The following MSH3 variants were observed in gnomAD, a reference collection of about 807,000 sequenced individuals.
MSH3 encodes DNA mismatch repair protein Msh3.
MSH3 carries 106 observed loss-of-function variants against 123.3 expected under a neutral mutation model. The ratio of observed to expected loss-of-function variants is 0.86; its 90% CI spans 0.73 to 1.01. The LOEUF is 1.01. Among genes scored for constraint, MSH3 ranks in the 50% least tolerant of loss-of-function variants. The pLI is 0.00. For missense variants in MSH3, 1,459 were observed against 1,347.6 expected (o/e 1.08, Z -1.29); for synonymous variants, 515 against 481.4 (o/e 1.07, Z -0.91).
intron 3 of MSH3, among the ~76,000 whole-genome samples, chr5:80,668,842 A>G (rs924969760): frequency 2.0e-5 from 3 of 152,182 alleles, no homozygotes; most frequent in Admixed American, 2.0e-4. Flanking sequence ...ACAACTGGGC[A>G]GCCACAGCTG....
intron 8 of MSH3, among the ~76,000 whole-genome samples, chr5:80,713,924 T>G (rs1383450161): frequency 6.6e-6 from 1 of 152,178 alleles, no homozygotes; most frequent in Non-Finnish European, 1.5e-5. Flanking sequence ...TGCAGGTGAC[T>G]CTGATGCCGG....
chr5:80,860,408 G>C (rs1463781783), intron 21 of MSH3, among the ~76,000 whole-genome samples: 1 of 148,350 alleles, frequency 6.7e-6, no homozygotes, highest in African/African-American at 2.5e-5. Context: ...GGATTATTTT[G>C]CAAGGTACAG....
intron 20 of MSH3, among the ~76,000 whole-genome samples, chr5:80,818,561 A>G (rs1444855305): frequency 6.6e-6 from 1 of 152,164 alleles, no homozygotes; most frequent in East Asian, 1.9e-4. Context: ...GAAACATTTA[A>G]AAATTTTTGA....
intron 8 of MSH3, among the ~76,000 whole-genome samples, chr5:80,712,743 C>T (rs73765865): frequency 0.13 from 19,491 of 150,506 alleles, 1,326 homozygotes; most frequent in African/African-American, 0.18. Context: ...TAATCTTTCA[C>T]GATGTGATCT....
intron 19 of MSH3, among the ~76,000 whole-genome samples, chr5:80,801,929 ACT>A (rs748482635): frequency 2.0e-5 from 3 of 151,764 alleles, no homozygotes; most frequent in Admixed American, 1.3e-4. Context: ...TTATTTTCAC[ACT>A]CTGTTATTTT....
chr5:80,698,662 T>G (rs928458815), intron 8 of MSH3, among the ~76,000 whole-genome samples: 1 of 152,090 alleles, frequency 6.6e-6, no homozygotes, highest in Admixed American at 6.5e-5. Flanking sequence ...AAAGGGTGTA[T>G]AAAGCTGGAA....
At chr5:80,747,046 T>C (rs1220738440) in intron 12 of MSH3, among the ~76,000 whole-genome samples, 1 of 152,182 alleles carries the variant, frequency 6.6e-6, no homozygotes, top group South Asian at 2.1e-4. Context: ...AATGGAAATA[T>C]CTTCTTTAGT....
At chr5:80,759,135 G>A (rs755507771) in intron 12 of MSH3, among the ~76,000 whole-genome samples, 10 of 152,180 alleles carry the variant, frequency 6.6e-5, no homozygotes, top group Non-Finnish European at 1.2e-4. Context: ...TGTTTATTGA[G>A]CACAAATTGT....
chr5:80,772,495 G>A (rs756683919), intron 15 of MSH3, among the ~76,000 whole-genome samples: 1 of 151,990 alleles, frequency 6.6e-6, no homozygotes, highest in Non-Finnish European at 1.5e-5. Flanking sequence ...ACAATATCTG[G>A]CATTTAACTA....
Position 80,806,680 on chromosome 5 carries a change from A to G in MSH3, c.2656-6904A>G, listed in dbSNP as rs570128994. Among the ~76,000 whole-genome samples, 51 of 152,092 alleles carry G rather than the reference A, an allele frequency of 3.4e-4. 1 individual carries two copies. Among genetic ancestry groups the G allele is most frequent in the Non-Finnish European group, 1.5e-5 (1 of 67,970 alleles). ...AAAGTTCTCCCCTCCTATTCTCCTAATAGAATTCCTAATTTCTATTTAGCT... is the reference window on the plus strand; with the variant it reads ...AAAGTTCTCCCCTCCTATTCTCCTAGTAGAATTCCTAATTTCTATTTAGCT... On this transcript the variant is annotated intron_variant, in intron 19 of 23. Transcript: ENST00000265081.
intron 8 of MSH3, among the ~76,000 whole-genome samples, chr5:80,717,394 G>A (rs1750984633): frequency 6.6e-6 from 1 of 152,116 alleles, no homozygotes; most frequent in Admixed American, 6.6e-5. Context: ...AGCCGCCTGA[G>A]TAGCTGGGAC....
rs192672199 is a variant in MSH3, at chr5:80,739,638, C to T, written c.1569-1826C>T. ...AGAGAAAGGGCTGAACACTTGCTAT[C>T]CTTTCAGTTTTGGAGTTGCTTCCCG... On this transcript the variant is annotated intron_variant, in intron 10 of 23. Transcript: ENST00000265081. Among the ~76,000 whole-genome samples, 141 of 152,288 alleles carry T rather than the reference C, an allele frequency of 9.3e-4. 1 individual carries two copies. The highest frequency in any genetic ancestry group is 3.4e-3 in the Middle Eastern group (1 of 294).
chr5:80,810,172 C>CATATATATATAT (rs113702568), intron 19 of MSH3, among the ~76,000 whole-genome samples: 5,499 of 121,294 alleles, frequency 0.045, 231 homozygotes, highest in African/African-American at 0.087. Flanking sequence ...GTTTGACATA[C>CATATATATATAT]ATATATATAT....
At chr5:80,868,558 T>G (rs1746144218) in intron 22 of MSH3, among the ~76,000 whole-genome samples, 1 of 142,736 alleles carries the variant, frequency 7.0e-6, no homozygotes, top group African/African-American at 2.6e-5. Context: ...TAAGTGGGAG[T>G]TAAATGATGA....
At position 80,728,956 on chromosome 5, in the gene MSH3, C is replaced by T. The variant is rs753874943; in HGVS notation, c.1559C>T (p.Ser520Phe). The T allele has an allele frequency of 6.3e-7, 1 of 1,579,508 alleles. No homozygotes were observed. The highest frequency in any genetic ancestry group is 1.7e-5 in the Admixed American group (1 of 59,916). Reference protein sequence around the residue: ...LKEFNLEKMLSKPENFKQLSS... With the variant: ...LKEFNLEKMLFKPENFKQLSS... ...GAATTCAACTTGGAAAAGATGCTCTCCAAACCTGAGTAAGTGATTCCTCCA... is the reference window on the plus strand; with the variant it reads ...GAATTCAACTTGGAAAAGATGCTCTTCAAACCTGAGTAAGTGATTCCTCCA... Residue 520 changes from serine (S) to phenylalanine (F), a missense_variant, in exon 10 of 24, where the codon TCC becomes TTC. Physicochemically the swap from Ser to Phe is radical, Grantham distance 155. Coordinates refer to ENST00000265081, the MANE Select transcript of MSH3 (RefSeq NM_002439.5).
chr5:80,727,114 A>T (rs377137652), intron 9 of MSH3, among the ~76,000 whole-genome samples: 1 of 152,208 alleles, frequency 6.6e-6, no homozygotes, highest in Non-Finnish European at 1.5e-5. Context: ...ACAAAAGTCA[A>T]CGCACTAAGG....
intron 8 of MSH3, among the ~76,000 whole-genome samples, chr5:80,723,769 T>TTG (rs1751137119): frequency 1.3e-5 from 2 of 150,584 alleles, no homozygotes; most frequent in Non-Finnish European, 2.9e-5. Context: ...TTTATTAATT[T>TTG]TTTTTTTTAA....
At chr5:80,676,067 G>A (rs1749832953) in intron 7 of MSH3, among the ~76,000 whole-genome samples, 1 of 152,132 alleles carries the variant, frequency 6.6e-6, no homozygotes, top group Non-Finnish European at 1.5e-5. Context: ...TTTCACCCTT[G>A]TCACCCAGGC....
chr5:80,823,139 A>G (rs1745231234), intron 20 of MSH3, among the ~76,000 whole-genome samples: 1 of 152,236 alleles, frequency 6.6e-6, no homozygotes, highest in Non-Finnish European at 1.5e-5. Flanking sequence ...GTATGTATAA[A>G]TATATGTGGA....
Sources: gnomAD v4.1 joint callset for allele counts (sites outside exome capture counted in the v4.1 genomes callset) on GRCh38, gnomAD v4.1.1 for gene constraint, MANE v1.5 for transcripts, NCBI Gene and HGNC (gene_info 2026-07-23, HGNC 2026-07-21) for gene names.